The following OTOP1 variants were observed in gnomAD, a reference collection of about 807,000 sequenced individuals.
OTOP1 encodes the protein proton channel OTOP1.
Under a neutral mutation model 52.9 loss-of-function variants are expected in OTOP1, and 59 were observed. The observed-to-expected ratio is 1.12, with a 90% confidence interval of 0.91 to 1.39. OTOP1 has a LOEUF of 1.39. Ranked by LOEUF, OTOP1 falls within the 40% of genes most tolerant of loss-of-function variation. The pLI is 0.00. For synonymous variants in OTOP1, 317 were observed against 337.7 expected, an observed-to-expected ratio of 0.94 and a Z score of 0.67; for missense variants, 761 against 800.9, an observed-to-expected ratio of 0.95 and a Z score of 0.60.
At chr4:4,214,881 A>T (rs1577182928) in intron 1 of OTOP1, among the ~76,000 whole-genome samples, 1 of 152,346 alleles carries the variant, frequency 6.6e-6, no homozygotes, top group East Asian at 1.9e-4. Context: ...GTTGCACAAA[A>T]GTGTATATGT....
At chr4:4,200,942 A>G (rs1313004729) in intron 4 of OTOP1, among the ~76,000 whole-genome samples, 2 of 152,184 alleles carry the variant, frequency 1.3e-5, no homozygotes, top group African/African-American at 4.8e-5. Flanking sequence ...AAGCAGGAGG[A>G]AAAGTTCAGA....
rs780440800 is a variant in OTOP1, at chr4:4,226,722, C to T, written c.143G>A (p.Gly48Asp). 61 of 1,406,744 alleles carry T rather than the reference C, an allele frequency of 4.3e-5. 2 individuals carry two copies. The highest frequency in any genetic ancestry group is 1.5e-5 in the African/African-American group (1 of 66,828). The allele number at this position is 1,406,744 out of a possible 1,614,324, so 87.1% of individuals were successfully genotyped here. The change falls in exon 1 of 6, where the codon GGT (glycine) becomes GAT (aspartate). Residue 48 changes from glycine to aspartate, a missense_variant. This residue lies in a region of OTOP1 where 73 missense variants were observed against 75.7 expected (regional missense o/e 0.96). Coordinates refer to ENST00000296358, the MANE Select transcript of OTOP1 (RefSeq NM_177998.3). Reference protein sequence around the residue: ...SPESPAPRRGGVRASVPQKLA... With the variant: ...SPESPAPRRGDVRASVPQKLA... The stretch of plus-strand genomic sequence containing the variant: ...TTTCTGTGGGACGCTGGCGCGCACA[C>T]CGCCCCGCCGGGGGGCCGGGGATTC...
intron 4 of OTOP1, among the ~76,000 whole-genome samples, chr4:4,200,932 A>C (rs1455997309): frequency 6.6e-6 from 1 of 152,160 alleles, no homozygotes; most frequent in African/African-American, 2.4e-5. Context: ...CCAGGGAAGA[A>C]AGCAGGAGGA....
At chr4:4,219,588 T>C (rs1367338707) in intron 1 of OTOP1, among the ~76,000 whole-genome samples, 4 of 151,260 alleles carry the variant, frequency 2.6e-5, no homozygotes, top group Admixed American at 2.6e-4. Flanking sequence ...TCCATGCTAC[T>C]CGGTAGGCTG....
chr4:4,207,482 A>C (rs1008013048), intron 2 of OTOP1, among the ~76,000 whole-genome samples: 1 of 152,042 alleles, frequency 6.6e-6, no homozygotes, highest in African/African-American at 2.4e-5. Flanking sequence ...TTACAGGTGC[A>C]TTTTTATTAT....
chr4:4,220,037 G>GTA (rs1310223344), intron 1 of OTOP1, among the ~76,000 whole-genome samples: 5 of 59,248 alleles, frequency 8.4e-5, no homozygotes, highest in South Asian at 5.5e-4. Context: ...ACGTATATAT[G>GTA]TATACATATA....
intron 2 of OTOP1, among the ~76,000 whole-genome samples, chr4:4,208,301 C>CT (rs1716953102): frequency 6.6e-6 from 1 of 152,114 alleles, no homozygotes; most frequent in Non-Finnish European, 1.5e-5. Context: ...TTGTAGCAAT[C>CT]TTTTTTAGGA....
At chr4:4,205,106 T>C (rs1211459635) in intron 3 of OTOP1, among the ~76,000 whole-genome samples, 1 of 152,144 alleles carries the variant, frequency 6.6e-6, no homozygotes, top group Non-Finnish European at 1.5e-5. Context: ...AACAACACCT[T>C]GCAGTTAGGA....
chr4:4,221,895 T>C (rs60295352), intron 1 of OTOP1, among the ~76,000 whole-genome samples: 7,488 of 152,200 alleles, frequency 0.049, 609 homozygotes, highest in African/African-American at 0.17. Context: ...GGACTACAGG[T>C]GTGAGCCACC....
At chr4:4,191,125 C>T (rs956463121) in intron 5 of OTOP1, among the ~76,000 whole-genome samples, 50 of 152,256 alleles carry the variant, frequency 3.3e-4, no homozygotes, top group African/African-American at 1.1e-3. Flanking sequence ...GGTGGTCCAT[C>T]GAGGCTCCAG....
At chr4:4,205,940 A>C in intron 3 of OTOP1, 132 bp downstream of exon 3, 2 of 766,928 alleles carry the variant, frequency 2.6e-6, no homozygotes, top group Non-Finnish European at 4.3e-6. Flanking sequence ...GCCACAAGTG[A>C]GAGCTTAGCT....
At chr4:4,204,513 T>C (rs1226312371) in intron 3 of OTOP1, among the ~76,000 whole-genome samples, 1 of 152,142 alleles carries the variant, frequency 6.6e-6, no homozygotes, top group African/African-American at 2.4e-5. Context: ...CGCATGACTC[T>C]AAACTGTTCT....
intron 1 of OTOP1, 134 bp from the exon 2 acceptor site, chr4:4,213,138 G>A: frequency 8.6e-7 from 1 of 1,167,090 alleles, no homozygotes; most frequent in Non-Finnish European, 1.2e-6. Context: ...AGGGTGCCGA[G>A]ACCATTCAAT....
At chr4:4,219,206 T>G (rs562459954) in intron 1 of OTOP1, among the ~76,000 whole-genome samples, 9 of 152,044 alleles carry the variant, frequency 5.9e-5, no homozygotes, top group Non-Finnish European at 1.0e-4. Context: ...GAAGACTGAA[T>G]TAAAAACAAA....
chr4:4,209,207 A>G (rs1411525535), intron 2 of OTOP1, among the ~76,000 whole-genome samples: 1 of 152,140 alleles, frequency 6.6e-6, no homozygotes. Flanking sequence ...TCCCAGGCCT[A>G]TTTTGCCTGG....
intron 2 of OTOP1, among the ~76,000 whole-genome samples, chr4:4,211,089 G>C (rs1234089950): frequency 3.9e-5 from 6 of 152,236 alleles, no homozygotes; most frequent in African/African-American, 9.6e-5. Flanking sequence ...GAGCTAAACT[G>C]TTTCCAGGCT....
intron 4 of OTOP1, among the ~76,000 whole-genome samples, chr4:4,200,336 G>A (rs185894724): frequency 1.4e-4 from 21 of 152,056 alleles, no homozygotes; most frequent in Admixed American, 4.6e-4. Flanking sequence ...TTAGCCGGGC[G>A]TGGTGGCAGG....
At chr4:4,198,384 TGATA>T (rs141024749) in intron 4 of OTOP1, among the ~76,000 whole-genome samples, 2 of 151,792 alleles carry the variant, frequency 1.3e-5, no homozygotes, top group Non-Finnish European at 2.9e-5. Flanking sequence ...GATATGTAGA[TGATA>T]GATAGATAGA....
In OTOP1 at chr4:4,197,852, C is replaced by A. The variant is rs770481456; in HGVS notation, c.982G>T (p.Val328Leu). The A allele has an allele frequency of 3.1e-6, 5 of 1,613,990 alleles. No homozygotes were observed. In the South Asian group the frequency reaches 5.5e-5, roughly 18 times the overall value. Residue 328 changes from valine to leucine, a missense_variant, in exon 5 of 6, where the codon GTG (valine) becomes TTG (leucine). Around this residue, in one of 3 missense-constraint regions of OTOP1, gnomAD observed 632 missense variants for 619.5 expected, o/e 1.02. Transcript: ENST00000296358. ...ATATGAATCAGGTATACCACCACCA[C>A]AGCAATGGTGGCGGCCAGCACGGTC... ...GLTVLAATIAVVVVYLIHIGR... is the reference protein window; with the variant it reads ...GLTVLAATIALVVVYLIHIGR...
Sources: allele counts gnomAD v4.1 joint callset (sites outside exome capture counted in the v4.1 genomes callset), GRCh38; gene constraint gnomAD v4.1.1; regional missense constraint gnomAD v4.1.1; transcripts MANE v1.5; gene names NCBI Gene and HGNC (gene_info 2026-07-23, HGNC 2026-07-21).